The following KREMEN1 variants were observed in gnomAD, a reference collection of about 807,000 sequenced individuals.
KREMEN1 encodes kringle containing transmembrane protein 1, also known as kremen protein 1.
Under a neutral mutation model 46.5 loss-of-function variants are expected in KREMEN1, and 30 were observed. The observed-to-expected ratio is 0.65, with a 90% CI of 0.48 to 0.88. The LOEUF (loss-of-function observed/expected upper bound fraction) is 0.88. Among genes scored for constraint, KREMEN1 ranks in the 40% least tolerant of loss-of-function variants. The pLI is 0.00. For synonymous variants in KREMEN1, 214 were observed against 230.6 expected (o/e 0.93, Z 0.65); for missense variants, 533 against 596.9 (o/e 0.89, Z 1.11).
chr22:29,138,676 CG>C lies in KREMEN1; in HGVS notation c.1018del (p.Glu340ArgfsTer2). The C allele has an allele frequency of 3.1e-6, 5 of 1,614,176 alleles. No individual in the cohort carries two copies. Among genetic ancestry groups the C allele is most frequent in the Non-Finnish European group, 4.2e-6 (5 of 1,180,036 alleles). Reference protein sequence around the residue: ...ERPAVNQTVAEVITEQANLSV... With the variant: ...ERPAVNQTVAXVITEQANLSV... ...GGCCCGCTGTCAACCAGACGGTGGCCGAGGTGATCACGGAGCAGGCCAACCT... is the reference window on the plus strand; with the variant it reads ...GGCCCGCTGTCAACCAGACGGTGGCCAGGTGATCACGGAGCAGGCCAACCT... On this transcript the variant is annotated frameshift_variant, in exon 7 of 9. Transcript: ENST00000400335. LOFTEE classifies it high-confidence loss of function.
Position 29,073,831 on chromosome 22 carries a change from C to A in KREMEN1, c.97+604C>A, listed in dbSNP as rs973734944. Among the ~76,000 whole-genome samples, 1 of 152,164 alleles carries A rather than the reference C, an allele frequency of 6.6e-6. No homozygotes were observed. Among genetic ancestry groups the A allele is most frequent in the Non-Finnish European group, 1.5e-5 (1 of 68,006 alleles). On this transcript the variant is annotated intron_variant, in intron 1 of 8. Transcript: ENST00000400335. This position sits in a 1 kb window ranked among gnomAD's most constrained non-coding sequence, Gnocchi z 4.4. Reference sequence around the variant, plus strand: ...CTCCCGGGCCGGGACGACCCCTGCTCCCCAGTACCTCCTGGGATCCCGCCC... The same window carrying A: ...CTCCCGGGCCGGGACGACCCCTGCTACCCAGTACCTCCTGGGATCCCGCCC...
intron 3 of KREMEN1, among the ~76,000 whole-genome samples, chr22:29,104,290 G>T (rs1412886284): frequency 6.6e-6 from 1 of 151,508 alleles, no homozygotes; most frequent in Non-Finnish European, 1.5e-5. Context: ...CTGAGTAGCT[G>T]GGCCTACAGG....
rs2038819893 is a variant in KREMEN1 at position 29,144,386 on chromosome 22, T to A, written c.*2274T>A. 29 of 985,948 alleles carry A rather than the reference T, an allele frequency of 2.9e-5. No individual in the cohort carries two copies. Among genetic ancestry groups the A allele is most frequent in the Non-Finnish European group, 3.4e-5 (28 of 830,330 alleles). 61.1% of individuals were successfully genotyped at this position (985,948 alleles called of 1,614,324 possible). ...CCTTCAGAGGAGGGAAACGGAGCAA[T>A]GTGTCACAGGCAGGCAGGGGCAGGA... On this transcript the variant is annotated 3_prime_UTR_variant, in exon 9 of 9. Transcript: ENST00000400335.
intron 4 of KREMEN1, 111 bp from the exon 5 acceptor site, chr22:29,125,152 C>A: frequency 8.2e-7 from 1 of 1,216,204 alleles, no homozygotes; most frequent in Non-Finnish European, 1.2e-6. Context: ...GGGGAAGGGA[C>A]CCTGGGAAGT....
chr22:29,118,644 G>A (rs568042326), intron 3 of KREMEN1, among the ~76,000 whole-genome samples: 1 of 152,086 alleles, frequency 6.6e-6, no homozygotes, highest in South Asian at 2.1e-4. Flanking sequence ...CATCATGGGG[G>A]CTCAGCCATC....
rs2037517644 is a variant in KREMEN1, at chr22:29,073,790, A to G, written c.97+563A>G. 6.7e-6 allele frequency among the ~76,000 whole-genome samples: 1 copy of G among 149,468 alleles called. No homozygotes were observed. The highest frequency in any genetic ancestry group is 2.2e-4 in the South Asian group (1 of 4,630). ...CGGTACCTCCTGGGATCCCGTCCCCAAGTCCCCAGCGACCCCTCCCGGGCC... is the reference window on the plus strand; with the variant it reads ...CGGTACCTCCTGGGATCCCGTCCCCGAGTCCCCAGCGACCCCTCCCGGGCC... On this transcript the variant is annotated intron_variant, in intron 1 of 8. Coordinates refer to ENST00000400335, the MANE Select transcript of KREMEN1 (RefSeq NM_001039570.3). The surrounding 1 kb of genome is among the most constrained non-coding windows in gnomAD (Gnocchi z 4.4).
chr22:29,152,620 G>A (rs1038347083), intron 9 of KREMEN1, among the ~76,000 whole-genome samples: 3 of 147,960 alleles, frequency 2.0e-5, no homozygotes, highest in African/African-American at 7.5e-5. Context: ...GCTCCTCCCC[G>A]CCCCTTGCAC....
chr22:29,163,579 G>A (rs1332886788), intron 9 of KREMEN1, among the ~76,000 whole-genome samples: 1 of 151,990 alleles, frequency 6.6e-6, no homozygotes, highest in East Asian at 1.9e-4. Context: ...GTTTCATCAT[G>A]TTGGCCAGGT....
rs529871187 is a variant in KREMEN1 at position 29,110,139 on chromosome 22, G to A, written c.352+11186G>A. ...TCTCCCAGTTCTCTGGGTCGACTGA[G>A]TTTCAGCTGAGTGGTTCTTCTGCTG... On this transcript the variant is annotated intron_variant, in intron 3 of 8. Transcript: ENST00000400335. 2.6e-5 allele frequency among the ~76,000 whole-genome samples: 4 copies of A among 152,342 alleles called. No homozygotes were observed. In the South Asian group the frequency reaches 8.3e-4, roughly 32 times the overall value.
intron 9 of KREMEN1, among the ~76,000 whole-genome samples, chr22:29,159,717 A>G (rs756245975): frequency 2.0e-5 from 3 of 152,268 alleles, no homozygotes; most frequent in Non-Finnish European, 4.4e-5. Context: ...GGTCAGAAAC[A>G]GGTGCTTACT....
At chr22:29,104,685 T>A (rs2038025619) in intron 3 of KREMEN1, among the ~76,000 whole-genome samples, 1 of 152,148 alleles carries the variant, frequency 6.6e-6, no homozygotes, top group Non-Finnish European at 1.5e-5. Context: ...GGTGGGCGGA[T>A]CACCTGAGGT....
In KREMEN1 at chr22:29,142,221, C is replaced by G; in HGVS notation, c.*109C>G. 7.1e-7 allele frequency: 1 copy of G among 1,407,430 alleles called. No homozygotes were observed. Among genetic ancestry groups the G allele is most frequent in the Non-Finnish European group, 9.2e-7 (1 of 1,082,852 alleles). The allele number at this position is 1,407,430 out of a possible 1,614,324, so 87.2% of individuals were successfully genotyped here. A position where few individuals can be genotyped will look rare whatever the true frequency, so the allele number is the denominator to read the frequency against. ...AGACTCTTCCCCTCCTCTCCCTCTG[C>G]CTCGGCCTCTTCGGGGAAACCCTCC... On this transcript the variant is annotated 3_prime_UTR_variant, in exon 9 of 9. Transcript: ENST00000400335.
chr22:29,136,263 C>G (rs1016672306), intron 5 of KREMEN1, among the ~76,000 whole-genome samples: 3 of 151,522 alleles, frequency 2.0e-5, no homozygotes, highest in African/African-American at 7.3e-5. Context: ...CAGAACTCCC[C>G]CAAAGCCTGC....
At chr22:29,156,193 G>T (rs1408651049) in intron 9 of KREMEN1, among the ~76,000 whole-genome samples, 1 of 152,156 alleles carries the variant, frequency 6.6e-6, no homozygotes, top group African/African-American at 2.4e-5. Context: ...CCACTGCCCT[G>T]CCCCACCCTG....
chr22:29,150,146 G>T (rs1467021425), downstream of KREMEN1, among the ~76,000 whole-genome samples: 4 of 152,228 alleles, frequency 2.6e-5, no homozygotes, highest in African/African-American at 4.8e-5. Context: ...GTAGCTGGAA[G>T]TCTTCATTTC....
chr22:29,142,269 C>G lies in KREMEN1; in HGVS notation c.*157C>G. 7.5e-7 allele frequency: 1 copy of G among 1,337,532 alleles called. No homozygotes were observed. Among genetic ancestry groups the G allele is most frequent in the Non-Finnish European group, 9.5e-7 (1 of 1,049,222 alleles). 82.9% of individuals were successfully genotyped at this position (1,337,532 alleles called of 1,614,324 possible). A position where few individuals can be genotyped will look rare whatever the true frequency, so the allele number is the denominator to read the frequency against. The stretch of plus-strand genomic sequence containing the variant: ...TCCTCCTACAGACTAGGAAGAGGCA[C>G]CCTGCTGCCAGGGCAGGCAGAGCCT... On this transcript the variant is annotated 3_prime_UTR_variant, in exon 9 of 9. Coordinates refer to ENST00000400335, the MANE Select transcript of KREMEN1 (RefSeq NM_001039570.3).
In KREMEN1 at chr22:29,146,043, C is replaced by A; in HGVS notation, c.*3931C>A. On this transcript the variant is annotated 3_prime_UTR_variant, in exon 9 of 9. Transcript: ENST00000400335. Reference sequence around the variant, plus strand: ...TTCACAAGCACTTATACGCGGATGGCCTCCGAGACCCTGCCTCCCTGGTCT... The same window carrying A: ...TTCACAAGCACTTATACGCGGATGGACTCCGAGACCCTGCCTCCCTGGTCT... 1.0e-6 allele frequency: 1 copy of A among 985,960 alleles called. No individual in the cohort carries two copies. The allele number at this position is 985,960 out of a possible 1,614,324, so 61.1% of individuals were successfully genotyped here.
At chr22:29,133,833 A>G (rs146493106) in intron 5 of KREMEN1, among the ~76,000 whole-genome samples, 1 of 152,230 alleles carries the variant, frequency 6.6e-6, no homozygotes, top group East Asian at 1.9e-4. Context: ...CACTGCAATT[A>G]CACGTATGTT....
downstream of KREMEN1, among the ~76,000 whole-genome samples, chr22:29,149,383 G>A (rs1257419399): frequency 2.6e-5 from 4 of 152,090 alleles, no homozygotes; most frequent in Non-Finnish European, 4.4e-5. Flanking sequence ...GGATGGTCTC[G>A]ATCTCTTGAC....
Sources: gnomAD v4.1 joint callset for allele counts (sites outside exome capture counted in the v4.1 genomes callset) on GRCh38, gnomAD v4.1.1 for gene constraint, Gnocchi (gnomAD v3.1) non-coding constraint, MANE v1.5 for transcripts, NCBI Gene and HGNC (gene_info 2026-07-23, HGNC 2026-07-21) for gene names.